The following GABRB2 variants were observed in gnomAD, a reference collection of about 807,000 sequenced individuals.
GABRB2 encodes gamma-aminobutyric acid receptor subunit beta-2.
GABRB2 carries 16 observed loss-of-function variants against 54.7 expected under a neutral mutation model. That is an observed-to-expected ratio of 0.29 (90% CI 0.20 to 0.44). The LOEUF (loss-of-function observed/expected upper bound fraction) is 0.44. Ranked by LOEUF, GABRB2 falls within the 20% of genes least tolerant of loss-of-function variation. GABRB2 has a pLI of 1.00. For synonymous variants in GABRB2, 244 were observed against 233.8 expected, an observed-to-expected ratio of 1.04 and a Z score of -0.40; for missense variants, 355 against 644.0, an observed-to-expected ratio of 0.55 and a Z score of 4.86.
intron 5 of GABRB2, among the ~76,000 whole-genome samples, chr5:161,397,650 G>A (rs1756045139): frequency 1.3e-5 from 2 of 152,166 alleles, no homozygotes; most frequent in African/African-American, 2.4e-5. Flanking sequence ...TGCTGACAAT[G>A]TATAAACACT....
intron 4 of GABRB2, among the ~76,000 whole-genome samples, chr5:161,423,758 G>A (rs994787442): frequency 1.3e-5 from 2 of 152,096 alleles, no homozygotes; most frequent in Non-Finnish European, 2.9e-5. Flanking sequence ...GTACTTTAAA[G>A]TAAAAGCTAG....
At chr5:161,348,956 G>T (rs1754391539) in intron 5 of GABRB2, among the ~76,000 whole-genome samples, 1 of 152,042 alleles carries the variant, frequency 6.6e-6, no homozygotes, top group Non-Finnish European at 1.5e-5. Context: ...TCAACCTACT[G>T]AAAGGCCAAT....
intron 3 of GABRB2, among the ~76,000 whole-genome samples, chr5:161,480,753 CA>C (rs1455699161): frequency 1.3e-5 from 2 of 152,020 alleles, no homozygotes; most frequent in South Asian, 2.1e-4. Flanking sequence ...AATCATTTAT[CA>C]CTAAAATGGT....
intron 5 of GABRB2, among the ~76,000 whole-genome samples, chr5:161,408,891 A>G (rs1459852012): frequency 6.6e-6 from 1 of 152,050 alleles, no homozygotes; most frequent in Non-Finnish European, 1.5e-5. Context: ...GCAGAATGAG[A>G]AGCATCAATT....
At chr5:161,393,498 T>C (rs1755899978) in intron 5 of GABRB2, among the ~76,000 whole-genome samples, 2 of 151,738 alleles carry the variant, frequency 1.3e-5, no homozygotes, top group African/African-American at 2.4e-5. Flanking sequence ...CAGACTCTAC[T>C]ATGTGAGTCC....
At chr5:161,509,441 C>A (rs770416056) in intron 3 of GABRB2, among the ~76,000 whole-genome samples, 1 of 151,862 alleles carries the variant, frequency 6.6e-6, no homozygotes, top group Non-Finnish European at 1.5e-5. Flanking sequence ...CCATTTTCTG[C>A]ATGAGGAAAA....
chr5:161,289,640 C>G lies in GABRB2; in HGVS notation c.*4441G>C, dbSNP rs957259354. ...CTTGAACTCTGACATATAAAAAAGTCTATTAAGTTATCAATGATCATTTTT... is the reference window on the plus strand; with the variant it reads ...CTTGAACTCTGACATATAAAAAAGTGTATTAAGTTATCAATGATCATTTTT... On this transcript the variant is annotated 3_prime_UTR_variant, in exon 10 of 10. Transcript: ENST00000393959. 2 of 151,988 alleles carry G rather than the reference C, an allele frequency of 1.3e-5. No homozygotes were observed. The highest frequency in any genetic ancestry group is 4.8e-5 in the African/African-American group (2 of 41,388). 9.4% of individuals were successfully genotyped at this position (151,988 alleles called of 1,614,324 possible). A position where few individuals can be genotyped will look rare whatever the true frequency, so the allele number is the denominator to read the frequency against.
intron 5 of GABRB2, among the ~76,000 whole-genome samples, chr5:161,378,924 C>T (rs901668065): frequency 2.0e-5 from 3 of 152,122 alleles, no homozygotes; most frequent in African/African-American, 4.8e-5. Flanking sequence ...ACACAAGGCC[C>T]AGGAGAGCTA....
At chr5:161,469,418 C>A (rs1758371753) in intron 3 of GABRB2, among the ~76,000 whole-genome samples, 1 of 151,476 alleles carries the variant, frequency 6.6e-6, no homozygotes, top group Non-Finnish European at 1.5e-5. Flanking sequence ...GTAAGAGCAC[C>A]AATTGTTCCA....
At chr5:161,446,181 T>C (rs1286368534) in intron 4 of GABRB2, among the ~76,000 whole-genome samples, 1 of 152,132 alleles carries the variant, frequency 6.6e-6, no homozygotes, top group African/African-American at 2.4e-5. Flanking sequence ...TACAAGCTTA[T>C]GGAGTAAGGA....
chr5:161,494,539 G>C (rs11748071), intron 3 of GABRB2, among the ~76,000 whole-genome samples: 1 of 17,492 alleles, frequency 5.7e-5, no homozygotes, highest in African/African-American at 1.7e-4. Flanking sequence ...TTAGGTATGC[G>C]TGTGTGTGTG....
At chr5:161,513,028 C>G (rs1050952326) in intron 3 of GABRB2, among the ~76,000 whole-genome samples, 1 of 146,380 alleles carries the variant, frequency 6.8e-6, no homozygotes, top group African/African-American at 2.5e-5. Flanking sequence ...GTCAGAACGG[C>G]AATTATTGCA....
chr5:161,330,589 T>G, intron 8 of GABRB2: 1 of 247,792 alleles, frequency 4.0e-6, no homozygotes, highest in African/African-American at 2.2e-5. Flanking sequence ...GTGAATAAAT[T>G]TAAAGAATGC....
intron 5 of GABRB2, among the ~76,000 whole-genome samples, chr5:161,340,687 A>C (rs928264842): frequency 3.3e-5 from 5 of 152,018 alleles, no homozygotes; most frequent in Non-Finnish European, 7.4e-5. Flanking sequence ...AAAAAAAAGT[A>C]AAATGCTTAG....
intron 3 of GABRB2, among the ~76,000 whole-genome samples, chr5:161,538,759 G>A (rs1035446819): frequency 1.2e-4 from 19 of 152,068 alleles, no homozygotes; most frequent in African/African-American, 4.6e-4. Context: ...AAGAGGTGAA[G>A]GTTGCAGTGA....
chr5:161,479,510 A>G (rs1758690774), intron 3 of GABRB2, among the ~76,000 whole-genome samples: 1 of 152,104 alleles, frequency 6.6e-6, no homozygotes. Flanking sequence ...CAAAAATTTG[A>G]AGACCATGAA....
rs181644032 is a variant in GABRB2 at position 161,331,024 on chromosome 5, G to A, written c.936C>T (p.Cys312=). ...VKAIDMYLMG[C]FVFVFMALLE... is the part of the protein sequence containing the mutation. ...GAAGGGCCATGAAAACGAAGACAAA[G>A]CACCCCATCAGGTACATGTCAATGG... is the stretch of plus-strand genomic sequence containing the variant. The change falls in exon 8 of 10, where the codon TGC becomes TGT. Residue 312 remains cysteine, a synonymous_variant. Transcript: ENST00000393959. 4 of 1,614,116 alleles carry A rather than the reference G, an allele frequency of 2.5e-6. No individual in the cohort carries two copies. The African/African-American group carries it at 4.0e-5, about 16-fold the overall frequency.
chr5:161,475,951 A>G (rs574042460), intron 3 of GABRB2, among the ~76,000 whole-genome samples: 2 of 152,106 alleles, frequency 1.3e-5, no homozygotes, highest in South Asian at 2.1e-4. Flanking sequence ...GTCTAGCCAG[A>G]GCAAATAGGA....
intron 9 of GABRB2, among the ~76,000 whole-genome samples, chr5:161,310,675 G>A (rs1219303231): frequency 1.3e-4 from 15 of 119,640 alleles, no homozygotes; most frequent in East Asian, 7.0e-4. Context: ...ACGCGCACGC[G>A]CGCACACACA....
Sources: gnomAD v4.1 joint callset for allele counts (sites outside exome capture counted in the v4.1 genomes callset) on GRCh38, gnomAD v4.1.1 for gene constraint, MANE v1.5 for transcripts, NCBI Gene and HGNC (gene_info 2026-07-23, HGNC 2026-07-21) for gene names.